Variants in SLC35E3 observed in about 807,000 individuals in gnomAD.
SLC35E3 encodes the protein solute carrier family 35 member E3, also known as bladder cancer-overexpressed gene 1 protein.
SLC35E3 carries 28 observed loss-of-function variants against 30.8 expected under a neutral mutation model. That is an observed-to-expected ratio of 0.91 (90% CI 0.67 to 1.25). SLC35E3 has a LOEUF of 1.25. SLC35E3 is among the 50% of genes most tolerant of loss of function. The probability of loss-of-function intolerance (pLI) is 0.00; values close to 1 mark genes in which losing one functional copy is unlikely to be tolerated. For missense variants in SLC35E3, 365 were observed against 375.4 expected (o/e 0.97, Z 0.23); for synonymous variants, 146 against 149.2 (o/e 0.98, Z 0.16).
At position 68,767,876 on chromosome 12, in the gene SLC35E3, C is replaced by T. The variant is rs1374218992; in HGVS notation, c.*2986C>T. ...TCGGGTATTATGTTTGTCTAAGAAA[C>T]ATTCTCTGTGTATGTTTAAATTGTA... On this transcript the variant is annotated 3_prime_UTR_variant, in exon 5 of 5. Coordinates refer to ENST00000398004, the MANE Select transcript of SLC35E3 (RefSeq NM_018656.5). The T allele has an allele frequency of 6.6e-6, 1 of 152,166 alleles. No homozygotes were observed. Among genetic ancestry groups the T allele is most frequent in the Admixed American group, 6.6e-5 (1 of 15,260 alleles). The allele number at this position is 152,166 out of a possible 1,614,324, so 9.4% of individuals were successfully genotyped here.
intron 4 of SLC35E3, among the ~76,000 whole-genome samples, chr12:68,760,691 C>G (rs1489453808): frequency 6.6e-6 from 1 of 152,098 alleles, no homozygotes; most frequent in African/African-American, 2.4e-5. Flanking sequence ...ATTGAATACC[C>G]ACTAAACCAG....
At position 68,759,337 on chromosome 12, in the gene SLC35E3, G is replaced by A. The variant is rs1013841460; in HGVS notation, c.755+98G>A. On this transcript the variant is annotated intron_variant, in intron 4 of 4. Coordinates refer to ENST00000398004, the MANE Select transcript of SLC35E3 (RefSeq NM_018656.5). ...TTGAATCTCACACTAACTATTGCAT[G>A]GCCTAAATTGAGTAGAGAGAGTTAT... 4.8e-6 allele frequency: 4 copies of A among 827,220 alleles called. No homozygotes were observed. The Admixed American group carries it at 6.4e-5, about 13-fold the overall frequency. 51.2% of individuals were successfully genotyped at this position (827,220 alleles called of 1,614,324 possible).
At position 68,775,377 on chromosome 12, in the gene SLC35E3, GAAGTCC is replaced by G. The variant is rs1286234771; in HGVS notation, c.*10491_*10496del. 6.6e-6 allele frequency: 1 copy of G among 152,224 alleles called. No homozygotes were observed. Among genetic ancestry groups the G allele is most frequent in the African/African-American group, 2.4e-5 (1 of 41,460 alleles). 9.4% of individuals were successfully genotyped at this position (152,224 alleles called of 1,614,324 possible). On this transcript the variant is annotated 3_prime_UTR_variant, in exon 5 of 5. Transcript: ENST00000398004. ...TATTTCTTACAATAGTGGAGACTGA[GAAGTCC>G]AAGGTACAGGGTCCACATCTGGTGA...
intron 3 of SLC35E3, among the ~76,000 whole-genome samples, chr12:68,753,835 C>CACAT: frequency 6.8e-6 from 1 of 146,472 alleles, no homozygotes; most frequent in African/African-American, 2.6e-5. Context: ...CACACACACA[C>CACAT]CCCAATTAAA....
Position 68,759,238 on chromosome 12 carries a change from A to G in SLC35E3, c.754A>G (p.Thr252Ala), listed in dbSNP as rs1280492620. Residue 252 changes from threonine to alanine, a missense_variant and splice_region_variant, in exon 4 of 5, where the codon ACC (threonine) becomes GCC (alanine). Thr to Ala is a moderately conservative substitution (Grantham distance 58). Transcript: ENST00000398004. ...YWIIGNTSPV[T>A]YNMFGHFKFC... ...GATCATTGGGAACACTTCACCTGTC[A>G]CGTATCCTTTTCATATAACTTAGAA... 2 of 1,607,644 alleles carry G rather than the reference A, an allele frequency of 1.2e-6. No homozygotes were observed. Among genetic ancestry groups the G allele is most frequent in the Non-Finnish European group, 1.7e-6 (2 of 1,175,506 alleles).
rs942608818 is a variant in SLC35E3, at chr12:68,772,018, G to A, written c.*7128G>A. ...TTAATCAGAAGGGTTTGGTTTGTTT[G>A]ACCTTTTTTTTAATTTTAATTTTTA... is the stretch of plus-strand genomic sequence containing the variant. On this transcript the variant is annotated 3_prime_UTR_variant, in exon 5 of 5. Transcript: ENST00000398004. The A allele has an allele frequency of 6.6e-6, 1 of 151,866 alleles. No homozygotes were observed. The highest frequency in any genetic ancestry group is 1.5e-5 in the Non-Finnish European group (1 of 67,946). 9.4% of individuals were successfully genotyped at this position (151,866 alleles called of 1,614,324 possible). A position where few individuals can be genotyped will look rare whatever the true frequency, so the allele number is the denominator to read the frequency against.
At chr12:68,762,116 G>A (rs117249805) in intron 4 of SLC35E3, among the ~76,000 whole-genome samples, 125 of 152,164 alleles carry the variant, frequency 8.2e-4, no homozygotes, top group African/African-American at 2.7e-3. Flanking sequence ...GTGAGCCACC[G>A]TGCCCAGCCA....
chr12:68,749,289 G>A lies in SLC35E3; in HGVS notation c.513+1249G>A, dbSNP rs570519669. 2.6e-5 allele frequency among the ~76,000 whole-genome samples: 4 copies of A among 152,258 alleles called. No homozygotes were observed. In the South Asian group the frequency reaches 6.2e-4, roughly 24 times the overall value. The stretch of plus-strand genomic sequence containing the variant: ...AGTTTCTTATCAGTAAGTGGTAAAG[G>A]TACCATTACAAAATAGGTATATTCC... On this transcript the variant is annotated intron_variant, in intron 2 of 4. Transcript: ENST00000398004.
chr12:68,748,890 T>C (rs1878692378), intron 2 of SLC35E3, among the ~76,000 whole-genome samples: 1 of 152,204 alleles, frequency 6.6e-6, no homozygotes, highest in African/African-American at 2.4e-5. Flanking sequence ...AGGAGTTCAG[T>C]AATAGAGCCC....
In SLC35E3 at chr12:68,768,308, A is replaced by G. The variant is rs1034659419; in HGVS notation, c.*3418A>G. 1.6e-5 allele frequency: 2 copies of G among 122,424 alleles called. No individual in the cohort carries two copies. The highest frequency in any genetic ancestry group is 3.7e-5 in the Non-Finnish European group (2 of 54,322). 7.6% of individuals were successfully genotyped at this position (122,424 alleles called of 1,614,324 possible). On this transcript the variant is annotated 3_prime_UTR_variant, in exon 5 of 5. Transcript: ENST00000398004. ...CTGTCTCAAAAAAAGAAAAAAAAAA[A>G]GAAATTTTTAACCGTAAATAGAACT...
intron 4 of SLC35E3, among the ~76,000 whole-genome samples, chr12:68,762,660 C>T (rs185915602): frequency 5.0e-4 from 76 of 152,192 alleles, no homozygotes; most frequent in Admixed American, 2.7e-3. Context: ...ACTTCCTTCT[C>T]GTATAAATAT....
At chr12:68,755,639 T>C (rs995534186) in intron 3 of SLC35E3, among the ~76,000 whole-genome samples, 1 of 152,114 alleles carries the variant, frequency 6.6e-6, no homozygotes, top group African/African-American at 2.4e-5. Flanking sequence ...TCAGGAAGCT[T>C]ACAGTCATGG....
rs1338625627 is a variant in SLC35E3 at position 68,773,810 on chromosome 12, G to T, written c.*8920G>T. 1.3e-5 allele frequency: 2 copies of T among 152,152 alleles called. No homozygotes were observed. The highest frequency in any genetic ancestry group is 4.8e-5 in the African/African-American group (2 of 41,448). The allele number at this position is 152,152 out of a possible 1,614,324, so 9.4% of individuals were successfully genotyped here. A position where few individuals can be genotyped will look rare whatever the true frequency, so the allele number is the denominator to read the frequency against. ...ATTTTTATATGATTTAACACAAAAT[G>T]TTACAGAAAAAAGTGCAAAAATGTT... is the stretch of plus-strand genomic sequence containing the variant. On this transcript the variant is annotated 3_prime_UTR_variant, in exon 5 of 5. Coordinates refer to ENST00000398004, the MANE Select transcript of SLC35E3 (RefSeq NM_018656.5).
intron 3 of SLC35E3, 88 bp downstream of exon 3, chr12:68,752,278 G>A (rs1239376066): frequency 8.3e-7 from 1 of 1,206,230 alleles, no homozygotes; most frequent in African/African-American, 1.5e-5. Flanking sequence ...AGAGCACTAT[G>A]TCCGATCCAT....
At chr12:68,749,405 A>G (rs1206015649) in intron 2 of SLC35E3, among the ~76,000 whole-genome samples, 1 of 152,252 alleles carries the variant, frequency 6.6e-6, no homozygotes, top group African/African-American at 2.4e-5. Context: ...GAGACATTAA[A>G]AGGAGTTAAA....
chr12:68,753,832 A>ACACACACACACC (rs1017957793), intron 3 of SLC35E3, among the ~76,000 whole-genome samples: 1 of 150,750 alleles, frequency 6.6e-6, no homozygotes, highest in Non-Finnish European at 1.5e-5. Context: ...ACACACACAC[A>ACACACACACACC]CACCCCAATT....
At chr12:68,764,398 C>T (rs1022436363) in intron 4 of SLC35E3, among the ~76,000 whole-genome samples, 1 of 152,232 alleles carries the variant, frequency 6.6e-6, no homozygotes, top group East Asian at 1.9e-4. Flanking sequence ...AAGTGATTCT[C>T]ATGCCTCAGG....
chr12:68,758,159 C>A (rs991823655), intron 3 of SLC35E3, among the ~76,000 whole-genome samples: 1 of 150,178 alleles, frequency 6.7e-6, no homozygotes, highest in Non-Finnish European at 1.5e-5. Context: ...CAGTGGCTCA[C>A]GCCTGTAATC....
chr12:68,753,983 A>G (rs1016665701), intron 3 of SLC35E3, among the ~76,000 whole-genome samples: 20 of 151,752 alleles, frequency 1.3e-4, no homozygotes, highest in African/African-American at 4.6e-4. Context: ...CCTAGCTGGG[A>G]CTATAGGCGC....
Sources: gnomAD v4.1 joint callset for allele counts (sites outside exome capture counted in the v4.1 genomes callset) on GRCh38, gnomAD v4.1.1 for gene constraint, MANE v1.5 for transcripts, NCBI Gene and HGNC (gene_info 2026-07-23, HGNC 2026-07-21) for gene names.